Variants in PRKCB observed in about 807,000 individuals in gnomAD.
PRKCB encodes the protein protein kinase C beta type.
A neutral mutation model predicts 81.5 loss-of-function variants in PRKCB; 13 were observed. The observed-to-expected ratio is 0.16, with a 90% CI of 0.10 to 0.25. The LOEUF is 0.25. PRKCB is among the 10% of genes least tolerant of loss of function. The pLI is 1.00. For synonymous variants in PRKCB, 335 were observed against 321.4 expected, an observed-to-expected ratio of 1.04 and a Z score of -0.45; for missense variants, 509 against 875.7, an observed-to-expected ratio of 0.58 and a Z score of 5.29.
chr16:24,152,558 TCACCTCCCTGC>T (rs1327956600), intron 9 of PRKCB, among the ~76,000 whole-genome samples: 1 of 152,170 alleles, frequency 6.6e-6, no homozygotes, highest in Non-Finnish European at 1.5e-5. Context: ...TCCAGCTAAG[TCACCTCCCTGC>T]CCCCTCCCTG....
intron 16 of PRKCB, among the ~76,000 whole-genome samples, chr16:24,204,272 A>G (rs1968008971): frequency 1.3e-5 from 2 of 152,094 alleles, no homozygotes; most frequent in African/African-American, 4.8e-5. Flanking sequence ...CAGGATTGGT[A>G]CCCAGGTTAG....
At chr16:23,984,780 G>T (rs977361887) in intron 2 of PRKCB, among the ~76,000 whole-genome samples, 10 of 152,112 alleles carry the variant, frequency 6.6e-5, no homozygotes, top group African/African-American at 2.4e-4. Context: ...TTGAGTAGAG[G>T]TGAAAAACTT....
In PRKCB at chr16:24,176,618, C is replaced by T. The variant is rs188480983; in HGVS notation, c.1394+2038C>T. 7.6e-4 allele frequency among the ~76,000 whole-genome samples: 115 copies of T among 152,244 alleles called. No individual in the cohort carries two copies. The East Asian group carries it at 0.014, about 19-fold the overall frequency. On this transcript the variant is annotated intron_variant, in intron 12 of 16. Transcript: ENST00000643927. Reference sequence around the variant, plus strand: ...TTTGAAAGGTGCACATGAGGCTGGGCGCAGTGGCTCATGCCTGTAAACCCA... The same window carrying T: ...TTTGAAAGGTGCACATGAGGCTGGGTGCAGTGGCTCATGCCTGTAAACCCA...
Position 24,217,312 on chromosome 16 carries a change from A to G in PRKCB, c.*2496A>G. Reference sequence around the variant, plus strand: ...TTAGAGAAACTTTCCATGGAAAGTCAGAATTTCTACCACTTCCTTTTCTAT... The same window carrying G: ...TTAGAGAAACTTTCCATGGAAAGTCGGAATTTCTACCACTTCCTTTTCTAT... On this transcript the variant is annotated 3_prime_UTR_variant, in exon 17 of 17. Transcript: ENST00000643927. The G allele has an allele frequency of 1.0e-6, 1 of 985,464 alleles. No individual in the cohort carries two copies. Among genetic ancestry groups the G allele is most frequent in the Non-Finnish European group, 1.2e-6 (1 of 829,940 alleles). 61.0% of individuals were successfully genotyped at this position (985,464 alleles called of 1,614,324 possible). A position where few individuals can be genotyped will look rare whatever the true frequency, so the allele number is the denominator to read the frequency against.
chr16:24,065,147 T>C (rs1966016698), intron 5 of PRKCB, among the ~76,000 whole-genome samples: 1 of 150,898 alleles, frequency 6.6e-6, no homozygotes, highest in Non-Finnish European at 1.5e-5. Context: ...CAATTTTTAA[T>C]ACAGTCTGAC....
intron 3 of PRKCB, among the ~76,000 whole-genome samples, chr16:24,009,182 T>C (rs1398561175): frequency 2.0e-5 from 3 of 152,214 alleles, no homozygotes; most frequent in Non-Finnish European, 4.4e-5. Flanking sequence ...TTCTTCAGGA[T>C]GTTAATTTCA....
chr16:23,906,056 G>T (rs6497700), intron 2 of PRKCB, among the ~76,000 whole-genome samples: 1 of 151,898 alleles, frequency 6.6e-6, no homozygotes, highest in South Asian at 2.1e-4. Context: ...GTTTGACGAC[G>T]TGCAAGGATA....
At chr16:24,137,554 C>G (rs1008973908) in intron 9 of PRKCB, among the ~76,000 whole-genome samples, 1 of 152,112 alleles carries the variant, frequency 6.6e-6, no homozygotes, top group Non-Finnish European at 1.5e-5. Flanking sequence ...ATCAAGTCCT[C>G]TTGTAGAAGG....
At chr16:23,966,416 C>T (rs912544552) in intron 2 of PRKCB, among the ~76,000 whole-genome samples, 1 of 152,188 alleles carries the variant, frequency 6.6e-6, no homozygotes, top group Non-Finnish European at 1.5e-5. Flanking sequence ...CTCAGTGCCT[C>T]AGTTTCCTCT....
At chr16:24,000,184 C>A (rs1395315898) in intron 3 of PRKCB, among the ~76,000 whole-genome samples, 1 of 152,178 alleles carries the variant, frequency 6.6e-6, no homozygotes, top group Non-Finnish European at 1.5e-5. Flanking sequence ...TAATCTATTG[C>A]AGATCCTGTT....
intron 2 of PRKCB, among the ~76,000 whole-genome samples, chr16:23,909,052 G>A (rs773784234): frequency 1.2e-4 from 19 of 152,188 alleles, no homozygotes; most frequent in African/African-American, 1.9e-4. Context: ...AGAGCTAGGC[G>A]AACAGTTGGC....
At chr16:24,070,436 G>A (rs1024101261) in intron 5 of PRKCB, among the ~76,000 whole-genome samples, 13 of 152,066 alleles carry the variant, frequency 8.5e-5, no homozygotes, top group African/African-American at 2.2e-4. Context: ...GGCATGAGCC[G>A]TTGCGCCCGG....
chr16:24,154,687 A>G lies in PRKCB; in HGVS notation c.1069A>G (p.Met357Val). ...ACATGCTTGCTCTCTTTCCCAGGTC[A>G]TGCTTTCAGAACGAAAAGGCACAGA... ...VLGKGSFGKV[M>V]LSERKGTDEL... Residue 357 changes from methionine (M) to valine (V), a missense_variant, in exon 10 of 17, where the codon ATG (methionine) becomes GTG (valine). By Grantham distance (21) the Met-to-Val change is conservative. Around this residue, in one of 6 missense-constraint regions of PRKCB, gnomAD observed 80 missense variants for 89.4 expected, o/e 0.90. Coordinates refer to ENST00000643927, the MANE Select transcript of PRKCB (RefSeq NM_002738.7). 6.2e-7 allele frequency: 1 copy of G among 1,614,136 alleles called. No individual in the cohort carries two copies. The highest frequency in any genetic ancestry group is 8.5e-7 in the Non-Finnish European group (1 of 1,179,972).
chr16:24,111,650 A>AAC (rs1567378587), intron 7 of PRKCB, among the ~76,000 whole-genome samples: 2 of 150,508 alleles, frequency 1.3e-5, no homozygotes, highest in Non-Finnish European at 3.0e-5. Context: ...GAAAAAAAAA[A>AAC]CAGCCAGGTG....
chr16:23,873,639 T>C (rs1239909380), intron 2 of PRKCB, among the ~76,000 whole-genome samples: 1 of 152,202 alleles, frequency 6.6e-6, no homozygotes, highest in Admixed American at 6.5e-5. Flanking sequence ...ATTCCAAACT[T>C]CTGGGATAAT....
intron 10 of PRKCB, among the ~76,000 whole-genome samples, chr16:24,167,105 A>G (rs562588451): frequency 3.3e-5 from 5 of 151,878 alleles, no homozygotes; most frequent in Non-Finnish European, 7.4e-5. Context: ...TTCAACGTGC[A>G]GCAAAGACAG....
chr16:24,108,881 C>G (rs1389715954), intron 7 of PRKCB, among the ~76,000 whole-genome samples: 1 of 151,358 alleles, frequency 6.6e-6, no homozygotes, highest in African/African-American at 2.4e-5. Context: ...ACCTCCCAGA[C>G]GGGGTGGTGG....
intron 2 of PRKCB, among the ~76,000 whole-genome samples, chr16:23,876,669 C>G (rs1304510726): frequency 6.6e-6 from 1 of 152,008 alleles, no homozygotes; most frequent in African/African-American, 2.4e-5. Context: ...GTTTGGTGAT[C>G]TCACTGGTGA....
At chr16:24,131,257 T>TAA (rs986350080) in intron 9 of PRKCB, among the ~76,000 whole-genome samples, 1 of 152,246 alleles carries the variant, frequency 6.6e-6, no homozygotes, top group Non-Finnish European at 1.5e-5. Flanking sequence ...TAAGATGATC[T>TAA]AAAATCAGAA....
Sources: gnomAD v4.1 joint callset for allele counts (sites outside exome capture counted in the v4.1 genomes callset) on GRCh38, gnomAD v4.1.1 for gene constraint, gnomAD v4.1.1 regional missense constraint, MANE v1.5 for transcripts, NCBI Gene and HGNC (gene_info 2026-07-23, HGNC 2026-07-21) for gene names.